NPC1: variants seen among roughly 807,000 people sequenced by gnomAD.
NPC1 encodes the protein Niemann-Pick C1 protein.
Under a neutral mutation model 140.4 loss-of-function variants are expected in NPC1, and 85 were observed. The ratio of observed to expected loss-of-function variants is 0.61; its 90% confidence interval spans 0.51 to 0.72. The LOEUF is 0.72. Ranked by LOEUF, NPC1 falls within the 30% of genes least tolerant of loss-of-function variation. The probability of loss-of-function intolerance (pLI) is 0.00; values close to 1 mark genes in which losing one functional copy is unlikely to be tolerated. For missense variants in NPC1, 1,504 were observed against 1,623.8 expected (o/e 0.93, Z 1.27); for synonymous variants, 656 against 624.8 (o/e 1.05, Z -0.74).
intron 1 of NPC1, among the ~76,000 whole-genome samples, chr18:23,580,747 C>G (rs908320222): frequency 6.6e-6 from 1 of 152,208 alleles, no homozygotes; most frequent in African/African-American, 2.4e-5. Flanking sequence ...CCTGGCCAGT[C>G]AGGACAACAC....
downstream of NPC1, chr18:23,518,855 C>G (rs1567922713): frequency 1.9e-6 from 3 of 1,589,534 alleles, no homozygotes; most frequent in African/African-American, 4.0e-5. Flanking sequence ...TTTGAATGGC[C>G]AGATGTGATT....
Position 23,556,530 on chromosome 18 carries a change from C to T in NPC1, c.1039G>A (p.Val347Ile), listed in dbSNP as rs376741451. 2.8e-5 allele frequency: 45 copies of T among 1,613,928 alleles called. No homozygotes were observed. The highest frequency in any genetic ancestry group is 4.5e-5 in the East Asian group (2 of 44,896). Residue 347 changes from valine (V) to isoleucine (I), a missense_variant, in exon 8 of 25, where the codon GTC (valine) becomes ATC (isoleucine). By Grantham distance (29) the Val-to-Ile change is conservative. Transcript: ENST00000269228. ...AAAATGACACAGCCAGGGTTTCGGA[C>T]GCAGAAAGACCCCCAGCGTGTGAAC... ...RLFTRWGSFCVRNPGCVIFFS... is the reference protein window; with the variant it reads ...RLFTRWGSFCIRNPGCVIFFS...
chr18:23,531,426 G>A (rs933857909), downstream of NPC1: 5 of 1,134,058 alleles, frequency 4.4e-6, no homozygotes, highest in East Asian at 5.5e-5. Flanking sequence ...TTACCATAAG[G>A]ACAGGTTAGA....
chr18:23,532,751 C>A, intron 24 of NPC1: 4 of 232,054 alleles, frequency 1.7e-5, no homozygotes, highest in Non-Finnish European at 2.0e-5. Flanking sequence ...AATAGAACTA[C>A]TTTCTATCCC....
At chr18:23,566,233 AAAAT>A (rs2059121228) in intron 4 of NPC1, among the ~76,000 whole-genome samples, 1 of 152,106 alleles carries the variant, frequency 6.6e-6, no homozygotes, top group African/African-American at 2.4e-5. Context: ...TCTACAAAAA[AAAAT>A]TTGTTTTTAA....
At chr18:23,533,281 G>T in intron 24 of NPC1, 74 bp downstream of exon 24, 3 of 1,384,248 alleles carry the variant, frequency 2.2e-6, no homozygotes, top group South Asian at 1.2e-5. Context: ...TACTTGAAAA[G>T]AATGCCTCAG....
downstream of NPC1, among the ~76,000 whole-genome samples, chr18:23,518,126 GCA>G (rs564642033): frequency 1.3e-5 from 2 of 152,236 alleles, no homozygotes; most frequent in Admixed American, 6.5e-5. Context: ...GGCAGGCCCA[GCA>G]CAGAGTTTAC....
At chr18:23,538,943 G>A (rs1394893514) in intron 19 of NPC1, 1 of 495,788 alleles carries the variant, frequency 2.0e-6, no homozygotes, top group East Asian at 3.9e-5. Flanking sequence ...GGCCTTGACT[G>A]GTCAGAGCCC....
At chr18:23,556,203 G>C (rs1019421469) in intron 8 of NPC1, 40 bp downstream of exon 8, 1 of 1,581,502 alleles carries the variant, frequency 6.3e-7, no homozygotes, top group Admixed American at 1.7e-5. Flanking sequence ...CAAACCACAA[G>C]GTCATCTAGA....
chr18:23,529,329 TGA>T, downstream of NPC1: 1 of 1,592,630 alleles, frequency 6.3e-7, no homozygotes, highest in Non-Finnish European at 8.5e-7. Flanking sequence ...TCTTCTGGAC[TGA>T]GAATGCTCAA....
chr18:23,544,449 G>A lies in NPC1; in HGVS notation c.2025C>T (p.Phe675=). The stretch of plus-strand genomic sequence containing the variant: ...GGGTCAAGGGCAACCCAATGTAGCT[G>A]AAGACACCCAAGGAGCAAGCCACCG... The part of the protein sequence containing the change: ...LSSVACSLGV[F]SYIGLPLTLI... Residue 675 remains phenylalanine (F), a synonymous_variant, in exon 13 of 25, where the codon TTC becomes TTT. Transcript: ENST00000269228. 1 of 1,613,794 alleles carries A rather than the reference G, an allele frequency of 6.2e-7. No individual in the cohort carries two copies. Among genetic ancestry groups the A allele is most frequent in the South Asian group, 1.1e-5 (1 of 91,074 alleles).
chr18:23,521,861 T>C (rs1245315063), downstream of NPC1, among the ~76,000 whole-genome samples: 2 of 152,202 alleles, frequency 1.3e-5, no homozygotes, highest in Non-Finnish European at 2.9e-5. Flanking sequence ...CTTTCTTCTG[T>C]GCCTGTCCCT....
chr18:23,541,936 C>T (rs1055870383), intron 14 of NPC1, among the ~76,000 whole-genome samples: 1 of 152,176 alleles, frequency 6.6e-6, no homozygotes, highest in African/African-American at 2.4e-5. Flanking sequence ...GTTTAGCCCA[C>T]ACTGTATCAA....
At chr18:23,547,870 T>C (rs2058811070) in intron 11 of NPC1, 136 bp downstream of exon 11, 4 of 767,738 alleles carry the variant, frequency 5.2e-6, no homozygotes, top group Middle Eastern at 2.3e-4. Flanking sequence ...CTTAGCATCA[T>C]TAGTACCAAG....
chr18:23,528,962 C>G (rs1004080856), downstream of NPC1: 9 of 595,236 alleles, frequency 1.5e-5, no homozygotes, highest in Middle Eastern at 4.9e-4. Context: ...TCACCGCAAC[C>G]TCTGCCTCCT....
At position 23,533,462 on chromosome 18, in the gene NPC1, G is replaced by A. The variant is rs2058572854; in HGVS notation, c.3647C>T (p.Ala1216Val). Residue 1216 changes from alanine (A) to valine (V), a missense_variant, in exon 24 of 25, where the codon GCC becomes GTC. Transcript: ENST00000269228. ...KFGGIVVLAF[A>V]KSQIFQIFYF... The stretch of plus-strand genomic sequence containing the variant: ...GAATATCTGGAAAATTTGAGATTTG[G>A]CAAAAGCCAACACCACAATCCCTCC... 1 of 1,614,164 alleles carries A rather than the reference G, an allele frequency of 6.2e-7. No individual in the cohort carries two copies. Among genetic ancestry groups the A allele is most frequent in the Non-Finnish European group, 8.5e-7 (1 of 1,180,006 alleles).
chr18:23,530,302 C>T (rs772215641), downstream of NPC1: 1 of 1,614,160 alleles, frequency 6.2e-7, no homozygotes, highest in Non-Finnish European at 8.5e-7. Flanking sequence ...CTGAAGGTAA[C>T]TCTGATGTGT....
intron 9 of NPC1, among the ~76,000 whole-genome samples, chr18:23,554,228 C>A (rs1378006293): frequency 6.6e-6 from 1 of 152,142 alleles, no homozygotes; most frequent in East Asian, 1.9e-4. Flanking sequence ...CTCTGTCCAG[C>A]CTTATTTTTC....
chr18:23,533,525 AAG>A lies in NPC1; in HGVS notation c.3592-10_3592-9del. The A allele has an allele frequency of 6.2e-7, 1 of 1,613,996 alleles. No homozygotes were observed. Among genetic ancestry groups the A allele is most frequent in the Non-Finnish European group, 8.5e-7 (1 of 1,179,804 alleles). On this transcript the variant is annotated splice_polypyrimidine_tract_variant and intron_variant, in intron 23 of 24. Transcript: ENST00000269228. The stretch of plus-strand genomic sequence containing the variant: ...TGTGATTCCACTGAACACCTAAAAG[AAG>A]AGATACTGTGTTAGAAACCACTTTT...
Sources: gnomAD v4.1 joint callset for allele counts (sites outside exome capture counted in the v4.1 genomes callset) on GRCh38, gnomAD v4.1.1 for gene constraint, MANE v1.5 for transcripts, NCBI Gene and HGNC (gene_info 2026-07-23, HGNC 2026-07-21) for gene names.